NOL4: variants seen among roughly 807,000 people sequenced by gnomAD.
NOL4 encodes nucleolar protein 4, also known as cancer/testis antigen 125.
Under a neutral mutation model 75.9 loss-of-function variants are expected in NOL4, and 17 were observed. That is an observed-to-expected ratio of 0.22 (90% CI 0.15 to 0.34). The LOEUF (loss-of-function observed/expected upper bound fraction) is 0.34. NOL4 is among the 10% of genes least tolerant of loss of function. The pLI is 1.00. For missense variants in NOL4, 614 were observed against 793.5 expected (o/e 0.77, Z 2.72); for synonymous variants, 292 against 289.9 (o/e 1.01, Z -0.07).
chr18:34,220,203 T>C (rs143853047), intron 1 of NOL4, among the ~76,000 whole-genome samples: 21 of 152,332 alleles, frequency 1.4e-4, no homozygotes, highest in African/African-American at 5.1e-4. Context: ...TGTTCTAGTA[T>C]AACCTCCCAG....
chr18:34,222,213 A>C (rs1426378891), intron 1 of NOL4: 22 of 1,431,678 alleles, frequency 1.5e-5, no homozygotes, highest in Non-Finnish European at 1.9e-5. Flanking sequence ...CTTTGTGGCC[A>C]TGAGACTAGA....
intron 10 of NOL4, among the ~76,000 whole-genome samples, chr18:33,857,294 C>A (rs187870549): frequency 1.3e-5 from 2 of 151,946 alleles, no homozygotes; most frequent in African/African-American, 4.8e-5. Context: ...AATATATCCA[C>A]GCAAATCTGC....
intron 1 of NOL4, among the ~76,000 whole-genome samples, chr18:34,188,072 C>T (rs1030884449): frequency 1.3e-5 from 2 of 152,166 alleles, no homozygotes; most frequent in Non-Finnish European, 2.9e-5. Flanking sequence ...CCTAATTACA[C>T]ATGATGTCAA....
chr18:34,115,041 CAA>C (rs1315883220), intron 2 of NOL4, among the ~76,000 whole-genome samples: 1 of 152,074 alleles, frequency 6.6e-6, no homozygotes, highest in Non-Finnish European at 1.5e-5. Flanking sequence ...GAAAATAGGG[CAA>C]AGAGTCCTCG....
intron 5 of NOL4, among the ~76,000 whole-genome samples, chr18:34,041,473 T>C (rs531022481): frequency 1.7e-4 from 26 of 151,170 alleles, no homozygotes; most frequent in African/African-American, 6.1e-4. Flanking sequence ...TTTCCTGATA[T>C]GGGAAATAGT....
chr18:33,920,957 G>A (rs773000751), intron 9 of NOL4, among the ~76,000 whole-genome samples: 1 of 152,138 alleles, frequency 6.6e-6, no homozygotes, highest in Non-Finnish European at 1.5e-5. Context: ...AGGTGCAGTC[G>A]GCCAGGTGGG....
Position 33,958,404 on chromosome 18 carries a change from A to G in NOL4, c.1071T>C (p.Ser357=), listed in dbSNP as rs775019692. ...TTTTGCCAGAGTCATAGCTGGAGTAACTATGTGCAGGAGACTGAAAAGAGA... is the reference window on the plus strand; with the variant it reads ...TTTTGCCAGAGTCATAGCTGGAGTAGCTATGTGCAGGAGACTGAAAAGAGA... ...RENGSKSPAH[S]YSSYDSGKNE... is the part of the protein sequence containing the mutation. Residue 357 remains serine, a synonymous_variant, in exon 7 of 11, where the codon AGT becomes AGC. Coordinates refer to ENST00000261592, the MANE Select transcript of NOL4 (RefSeq NM_003787.5). 1 of 1,612,976 alleles carries G rather than the reference A, an allele frequency of 6.2e-7. No homozygotes were observed. The highest frequency in any genetic ancestry group is 8.5e-7 in the Non-Finnish European group (1 of 1,179,312).
chr18:34,194,613 T>C (rs1011862729), intron 1 of NOL4, among the ~76,000 whole-genome samples: 3 of 152,206 alleles, frequency 2.0e-5, no homozygotes, highest in Admixed American at 6.5e-5. Flanking sequence ...AATTTAAATA[T>C]GTTTACACAT....
chr18:34,068,224 G>A (rs987027882), intron 5 of NOL4, among the ~76,000 whole-genome samples: 3 of 152,048 alleles, frequency 2.0e-5, no homozygotes, highest in Non-Finnish European at 4.4e-5. Flanking sequence ...AAGACTAGGT[G>A]ACAGTTCACT....
intron 9 of NOL4, among the ~76,000 whole-genome samples, chr18:33,892,876 T>C (rs1252929670): frequency 6.6e-6 from 1 of 152,048 alleles, no homozygotes; most frequent in Non-Finnish European, 1.5e-5. Flanking sequence ...TTGCCCCGGT[T>C]GGTCTCGAAC....
chr18:34,138,460 A>AG (rs2080994047), intron 1 of NOL4, among the ~76,000 whole-genome samples: 2 of 152,162 alleles, frequency 1.3e-5, no homozygotes, highest in African/African-American at 4.8e-5. Flanking sequence ...ACTGGGGAGG[A>AG]GAAAAAAATA....
intron 1 of NOL4, among the ~76,000 whole-genome samples, chr18:34,204,183 T>A (rs1306330969): frequency 2.6e-5 from 4 of 152,044 alleles, no homozygotes; most frequent in Non-Finnish European, 5.9e-5. Flanking sequence ...ATGCTATTTC[T>A]CCCATGATCT....
chr18:33,882,859 T>C (rs1481945099), intron 10 of NOL4, among the ~76,000 whole-genome samples: 6 of 151,952 alleles, frequency 3.9e-5, no homozygotes, highest in Non-Finnish European at 5.9e-5. Context: ...ATATACACCA[T>C]GGAATACTAT....
chr18:33,932,578 A>G (rs1482341790), intron 9 of NOL4, among the ~76,000 whole-genome samples: 2 of 152,158 alleles, frequency 1.3e-5, no homozygotes, highest in Admixed American at 6.6e-5. Context: ...ATAGAAAAAA[A>G]GTAAAATTAG....
intron 6 of NOL4, among the ~76,000 whole-genome samples, chr18:33,993,702 A>T (rs992507603): frequency 2.6e-5 from 4 of 151,998 alleles, no homozygotes; most frequent in Middle Eastern, 3.4e-3. Context: ...AACAAAAAGA[A>T]GCGATGATTA....
intron 5 of NOL4, among the ~76,000 whole-genome samples, chr18:34,052,798 C>A (rs920635013): frequency 2.0e-5 from 3 of 151,818 alleles, no homozygotes; most frequent in Admixed American, 6.6e-5. Context: ...TTTCCTGGTA[C>A]AGGGAGGTAG....
intron 5 of NOL4, among the ~76,000 whole-genome samples, chr18:34,038,541 A>G (rs1451542830): frequency 5.9e-5 from 9 of 152,126 alleles, no homozygotes. Flanking sequence ...ACATAGTAGA[A>G]TATGATTTGG....
chr18:34,019,553 C>A lies in NOL4; in HGVS notation c.821G>T (p.Ser274Ile), dbSNP rs780964732. Residue 274 changes from serine to isoleucine, a missense_variant, in exon 6 of 11, where the codon AGT becomes ATT. This residue lies in a region of NOL4 where 196 missense variants were observed against 167.9 expected (regional missense o/e 1.17). Transcript: ENST00000261592. ...GTGTGTTCCCCCTGAAGCAATTGAA[C>A]TGTGCCCCAGAGTCTCATTGCCATT... Reference protein sequence around the residue: ...SFNGNETLGHSSIASGGTHSR... With the variant: ...SFNGNETLGHISIASGGTHSR... The A allele has an allele frequency of 6.2e-7, 1 of 1,613,880 alleles. No individual in the cohort carries two copies. Among genetic ancestry groups the A allele is most frequent in the Admixed American group, 1.7e-5 (1 of 59,974 alleles).
intron 1 of NOL4, among the ~76,000 whole-genome samples, chr18:34,132,994 A>T (rs1231560094): frequency 6.6e-6 from 1 of 152,150 alleles, no homozygotes; most frequent in East Asian, 1.9e-4. Flanking sequence ...TGAAGGCCAG[A>T]TGCAGTGACT....
Sources: allele counts gnomAD v4.1 joint callset (sites outside exome capture counted in the v4.1 genomes callset), GRCh38; gene constraint gnomAD v4.1.1; regional missense constraint gnomAD v4.1.1; transcripts MANE v1.5; gene names NCBI Gene and HGNC (gene_info 2026-07-23, HGNC 2026-07-21).